MCF2: variants seen among roughly 807,000 people sequenced by gnomAD.
The protein encoded by MCF2 is proto-oncogene DBL.
Under a neutral mutation model 82.5 loss-of-function variants are expected in MCF2, and 44 were observed. The ratio of observed to expected loss-of-function variants is 0.53; its 90% CI spans 0.42 to 0.69. The LOEUF is 0.69. Ranked by LOEUF, MCF2 falls within the 30% of genes least tolerant of loss-of-function variation. The pLI, the probability that MCF2 is intolerant of heterozygous loss-of-function variation, is 0.00. For missense variants in MCF2, 623 were observed against 663.1 expected (o/e 0.94, Z 0.66); for synonymous variants, 217 against 224.9 (o/e 0.96, Z 0.32).
At chrX:139,643,160 T>G (rs1933667103), upstream of MCF2, among the ~76,000 whole-genome samples, 1 of 111,837 alleles carries the variant, frequency 8.9e-6, no homozygotes, top group African/African-American at 3.2e-5. Context: ...CTCTCCCAAA[T>G]TAACCTTTCC....
chrX:139,675,017 G>A lies in MCF2; in HGVS notation c.-44-23229C>T, dbSNP rs770455448. ...CCCATATTTCTTGGAGGCTTTGTTT[G>A]TTTTCACTCTTTTTTCTCTAAACTT... On this transcript the variant is annotated intron_variant, in intron 1 of 27. Transcript: ENST00000414978. Among the ~76,000 whole-genome samples, 3 of 111,673 alleles carry A rather than the reference G, an allele frequency of 2.7e-5. No individual in the cohort carries two copies. The South Asian group carries it at 1.1e-3, about 42-fold the overall frequency.
At chrX:139,691,886 C>T in intron 1 of MCF2, 1 of 1,143,317 alleles carries the variant, frequency 8.7e-7, no homozygotes, top group Non-Finnish European at 1.2e-6. Context: ...CCGAGGCCGC[C>T]GGGGAGGAGA....
chrX:139,662,410 C>T (rs977354937), intron 1 of MCF2, among the ~76,000 whole-genome samples: 1 of 110,447 alleles, frequency 9.1e-6, no homozygotes, highest in Non-Finnish European at 1.9e-5. Context: ...AAAACAGTCT[C>T]GAAACAAAAG....
Position 139,606,874 on chromosome X carries a change from G to GTA in MCF2, c.1490+815_1490+816dup, listed in dbSNP as rs977567033. Among the ~76,000 whole-genome samples, 43 of 106,886 alleles carry GTA rather than the reference G, an allele frequency of 4.0e-4. 1 individual carries two copies. In the Middle Eastern group the frequency reaches 0.015, roughly 37 times the overall value. 92.8% of individuals were successfully genotyped at this position (106,886 alleles called of 115,157 possible). A position where few individuals can be genotyped will look rare whatever the true frequency, so the allele number is the denominator to read the frequency against. Reference sequence around the variant, plus strand: ...AGTCTTACAGTATAAATATGTGTCTGTATATATATATATATGTATCTCATA... The same window carrying GTA: ...AGTCTTACAGTATAAATATGTGTCTGTATATATATATATATATGTATCTCATA... On this transcript the variant is annotated intron_variant, in intron 12 of 24. Coordinates refer to ENST00000370576, the Ensembl canonical transcript of MCF2.
At chrX:139,680,048 C>T (rs1380941680) in intron 1 of MCF2, among the ~76,000 whole-genome samples, 1 of 111,910 alleles carries the variant, frequency 8.9e-6, no homozygotes, top group Non-Finnish European at 1.9e-5. Flanking sequence ...ATATAGTGTG[C>T]AGACATGAAA....
At chrX:139,691,897 T>C (rs1282033578) in intron 1 of MCF2, 1 of 1,154,820 alleles carries the variant, frequency 8.7e-7, no homozygotes, top group Non-Finnish European at 1.2e-6. Context: ...GGGGAGGAGA[T>C]GAGAGGAGGG....
chrX:139,604,660 T>C, intron 15 of MCF2, 21 bp downstream of exon 19: 1 of 1,071,216 alleles, frequency 9.3e-7, no homozygotes, highest in Non-Finnish European at 1.3e-6. Context: ...TTATATATAT[T>C]TAAAAAATAA....
intron 1 of MCF2, among the ~76,000 whole-genome samples, chrX:139,702,805 C>A (rs1935523932): frequency 8.9e-6 from 1 of 112,374 alleles, no homozygotes; most frequent in African/African-American, 3.2e-5. Flanking sequence ...CTGATAGGTG[C>A]AGGTAGCTGA....
intron 1 of MCF2, among the ~76,000 whole-genome samples, chrX:139,656,046 T>G (rs1031121850): frequency 2.8e-4 from 31 of 112,149 alleles, no homozygotes; most frequent in African/African-American, 4.2e-4. Flanking sequence ...TGCTGTTTTT[T>G]TTTGTTTGTT....
At chrX:139,614,951 T>C in exon 10 of MCF2, 1 of 1,209,293 alleles carries the variant, frequency 8.3e-7, no homozygotes, top group African/African-American at 1.7e-5. Flanking sequence ...CAAATTGGAT[T>C]GGCCTCACAT....
intron 1 of MCF2, among the ~76,000 whole-genome samples, chrX:139,661,897 C>G (rs1934366298): frequency 8.9e-6 from 1 of 111,945 alleles, no homozygotes; most frequent in Non-Finnish European, 1.9e-5. Flanking sequence ...CAACTATGTT[C>G]GAGTCATGTG....
intron 6 of MCF2, among the ~76,000 whole-genome samples, chrX:139,622,689 C>T (rs1330630635): frequency 9.4e-6 from 1 of 106,286 alleles, no homozygotes; most frequent in Non-Finnish European, 1.9e-5. Context: ...AATGAGAACA[C>T]ATGGACACAG....
In MCF2 at chrX:139,598,398, A is replaced by G; in HGVS notation, c.1929+8T>C. ...GTAAAGAAACAAACAAATGCTTCAT[A>G]TAATTACCTTCAACAATAACTGATA... On this transcript the variant is annotated splice_region_variant and intron_variant, in intron 17 of 24. Transcript: ENST00000370576. 9.2e-7 allele frequency: 1 copy of G among 1,091,119 alleles called. No individual in the cohort carries two copies. Among genetic ancestry groups the G allele is most frequent in the Non-Finnish European group, 1.3e-6 (1 of 793,622 alleles). 89.9% of individuals were successfully genotyped at this position (1,091,119 alleles called of 1,213,427 possible).
At chrX:139,614,210 T>C (rs1931715161) in intron 10 of MCF2, among the ~76,000 whole-genome samples, 1 of 111,593 alleles carries the variant, frequency 9.0e-6, no homozygotes. Flanking sequence ...AATTATTATT[T>C]CCATAGAACT....
chrX:139,635,040 G>A (rs922127577), intron 1 of MCF2, among the ~76,000 whole-genome samples: 8 of 111,628 alleles, frequency 7.2e-5, no homozygotes, highest in Admixed American at 1.9e-4. Flanking sequence ...AGCCTGCAGT[G>A]AGCCATGATG....
intron 1 of MCF2, among the ~76,000 whole-genome samples, chrX:139,635,666 T>A (rs777254411): frequency 9.0e-6 from 1 of 110,526 alleles, no homozygotes; most frequent in African/African-American, 3.3e-5. Context: ...AAAAAAAATA[T>A]ATATATATGT....
At chrX:139,704,885 A>AG (rs1761153630) in intron 1 of MCF2, among the ~76,000 whole-genome samples, 1 of 111,750 alleles carries the variant, frequency 8.9e-6, no homozygotes, top group South Asian at 3.8e-4. Flanking sequence ...TTAGAAAAAA[A>AG]AAAAACTATT....
chrX:139,616,297 T>C (rs1412264387), exon 9 of MCF2: 1 of 1,112,921 alleles, frequency 9.0e-7, no homozygotes, highest in Non-Finnish European at 1.2e-6. Context: ...GCTCAGGAGA[T>C]AATATTACAT....
chrX:139,649,785 G>A (rs979425343), intron 2 of MCF2, among the ~76,000 whole-genome samples: 6 of 111,965 alleles, frequency 5.4e-5, no homozygotes, highest in East Asian at 2.8e-4. Flanking sequence ...AGTTAAGGAA[G>A]GAAAGGTGTA....
Sources: allele counts gnomAD v4.1 joint callset (sites outside exome capture counted in the v4.1 genomes callset), GRCh38; gene constraint gnomAD v4.1.1; transcripts MANE v1.5; gene names NCBI Gene and HGNC (gene_info 2026-07-23, HGNC 2026-07-21).